Variants in ASB13 observed in about 807,000 individuals in gnomAD.
The protein encoded by ASB13 is ankyrin repeat and SOCS box protein 13.
A neutral mutation model predicts 28.8 loss-of-function variants in ASB13; 33 were observed. The observed-to-expected ratio is 1.15, with a 90% CI of 0.87 to 1.53. The LOEUF (loss-of-function observed/expected upper bound fraction) is 1.53. ASB13 is among the 40% of genes most tolerant of loss of function. ASB13 has a pLI of 0.00. For missense variants in ASB13, 414 were observed against 390.1 expected (o/e 1.06, Z -0.52); for synonymous variants, 182 against 172.9 (o/e 1.05, Z -0.41).
rs1279471013 is a variant in ASB13, at chr10:5,655,290, C to G, written c.44-2240G>C. Among the ~76,000 whole-genome samples the G allele has an allele frequency of 6.6e-6, 1 of 152,166 alleles. No individual in the cohort carries two copies. The highest frequency in any genetic ancestry group is 1.5e-5 in the Non-Finnish European group (1 of 68,032). On this transcript the variant is annotated intron_variant, in intron 1 of 5. Coordinates refer to ENST00000357700, the MANE Select transcript of ASB13 (RefSeq NM_024701.4). The surrounding 1 kb of genome is among the most constrained non-coding windows in gnomAD (Gnocchi z 6.2). ...TGCTCAGAACTGCTTGGTGGAAACTCAGCTCAGCCTTTTATCAGCTTACCC... is the reference window on the plus strand; with the variant it reads ...TGCTCAGAACTGCTTGGTGGAAACTGAGCTCAGCCTTTTATCAGCTTACCC...
intron 4 of ASB13, among the ~76,000 whole-genome samples, chr10:5,647,443 T>C (rs1408745408): frequency 1.3e-5 from 2 of 152,236 alleles, no homozygotes; most frequent in Non-Finnish European, 2.9e-5. Flanking sequence ...TTGGTCTTTT[T>C]GGTTTTGATT....
intron 4 of ASB13, among the ~76,000 whole-genome samples, chr10:5,646,021 C>T (rs11256767): frequency 0.012 from 1,767 of 152,302 alleles, 17 homozygotes; most frequent in East Asian, 0.034. Context: ...CCAGGAATCC[C>T]GCGTGGAGCT....
In ASB13 at chr10:5,658,541, T is replaced by C. The variant is rs978437078; in HGVS notation, c.44-5491A>G. 6.6e-6 allele frequency among the ~76,000 whole-genome samples: 1 copy of C among 152,184 alleles called. No individual in the cohort carries two copies. The highest frequency in any genetic ancestry group is 6.5e-5 in the Admixed American group (1 of 15,282). On this transcript the variant is annotated intron_variant, in intron 1 of 5. Coordinates refer to ENST00000357700, the MANE Select transcript of ASB13 (RefSeq NM_024701.4). This position sits in a 1 kb window ranked among gnomAD's most constrained non-coding sequence, Gnocchi z 4.2. ...ATGGAGATGGAAAGTAGAAAGGTAG[T>C]TGCCAGGGGCTTGGGGGAGGAGAAA...
intron 1 of ASB13, among the ~76,000 whole-genome samples, chr10:5,665,867 T>C (rs1006108383): frequency 2.0e-5 from 3 of 152,162 alleles, no homozygotes; most frequent in East Asian, 1.9e-4. Flanking sequence ...TATTGCTTCA[T>C]AGGCAGCAAA....
chr10:5,651,343 G>A lies in ASB13; in HGVS notation c.252C>T (p.Asp84=), dbSNP rs373489576. The A allele has an allele frequency of 3.8e-5, 61 of 1,610,150 alleles. No individual in the cohort carries two copies. The highest frequency in any genetic ancestry group is 3.3e-4 in the African/African-American group (25 of 74,836). Residue 84 remains aspartate (D), a synonymous_variant, in exon 3 of 6, where the codon GAC becomes GAT. Transcript: ENST00000357700. This position sits in a 1 kb window ranked among gnomAD's most constrained non-coding sequence, Gnocchi z 5.1. ...AGAQVDARNI[D]GSTPLCDACA... Reference sequence around the variant, plus strand: ...AGGCATCGCAGAGCGGGGTGCTGCCGTCGATGTTGCGAGCATCCACCTCAC... The same window carrying A: ...AGGCATCGCAGAGCGGGGTGCTGCCATCGATGTTGCGAGCATCCACCTCAC...
intron 1 of ASB13, among the ~76,000 whole-genome samples, chr10:5,662,074 AG>A (rs571274952): frequency 8.5e-5 from 13 of 152,232 alleles, no homozygotes; most frequent in African/African-American, 2.9e-4. Flanking sequence ...GGAAGCCCCC[AG>A]GGAGGGTTTT....
At chr10:5,646,497 T>C (rs1834887857) in intron 4 of ASB13, among the ~76,000 whole-genome samples, 1 of 152,124 alleles carries the variant, frequency 6.6e-6, no homozygotes, top group Non-Finnish European at 1.5e-5. Flanking sequence ...GTGACCTTGC[T>C]CAGGGAGGCC....
At position 5,639,360 on chromosome 10, in the gene ASB13, G is replaced by A. The variant is rs1834771357; in HGVS notation, c.*1343C>T. The stretch of plus-strand genomic sequence containing the variant: ...CCTTTTCCCGGCACACTGTCTCCAG[G>A]ACAGGCGTGACCTGTTCTCCAGAAT... On this transcript the variant is annotated 3_prime_UTR_variant, in exon 6 of 6. Coordinates refer to ENST00000357700, the MANE Select transcript of ASB13 (RefSeq NM_024701.4). The A allele has an allele frequency of 6.6e-6, 1 of 152,642 alleles. No homozygotes were observed. The highest frequency in any genetic ancestry group is 1.5e-5 in the Non-Finnish European group (1 of 68,086). 9.5% of individuals were successfully genotyped at this position (152,642 alleles called of 1,614,324 possible). A position where few individuals can be genotyped will look rare whatever the true frequency, so the allele number is the denominator to read the frequency against.
chr10:5,664,366 T>C lies in ASB13; in HGVS notation c.43+2143A>G, dbSNP rs1488217538. 6.6e-6 allele frequency among the ~76,000 whole-genome samples: 1 copy of C among 151,812 alleles called. No individual in the cohort carries two copies. The highest frequency in any genetic ancestry group is 1.5e-5 in the Non-Finnish European group (1 of 67,982). ...TTACCTGAGGGGCCTAAGAAGACTG[T>C]CTGGGGATAAATTAGGGATTAGGCA... On this transcript the variant is annotated intron_variant, in intron 1 of 5. Transcript: ENST00000357700. The surrounding 1 kb of genome is among the most constrained non-coding windows in gnomAD (Gnocchi z 4.2).
intron 1 of ASB13, among the ~76,000 whole-genome samples, chr10:5,653,674 ATTTATTTATTTATTTAT>A (rs1835026143): frequency 8.4e-6 from 1 of 119,756 alleles, no homozygotes; most frequent in African/African-American, 3.5e-5. Context: ...TTATTTATTT[ATTTATTTATTTATTTAT>A]TTATTTATGA....
intron 4 of ASB13, among the ~76,000 whole-genome samples, chr10:5,648,543 C>T (rs1424076380): frequency 2.0e-5 from 3 of 148,430 alleles, no homozygotes; most frequent in Non-Finnish European, 3.0e-5. Flanking sequence ...CTCAGGTAAA[C>T]ACCCACTCAG....
chr10:5,649,645 C>T lies in ASB13; in HGVS notation c.383-541G>A. ...GGTTAAAGCGATTCTCCCACCTCAG[C>T]CTCCCAAATAGCTGGAATTACAGGC... is the stretch of plus-strand genomic sequence containing the variant. On this transcript the variant is annotated intron_variant, in intron 3 of 5. Coordinates refer to ENST00000357700, the MANE Select transcript of ASB13 (RefSeq NM_024701.4). This position sits in a 1 kb window ranked among gnomAD's most constrained non-coding sequence, Gnocchi z 6.4. Among the ~76,000 whole-genome samples, 1 of 151,300 alleles carries T rather than the reference C, an allele frequency of 6.6e-6. No individual in the cohort carries two copies. The highest frequency in any genetic ancestry group is 1.5e-5 in the Non-Finnish European group (1 of 68,012).
At chr10:5,647,059 A>G (rs1314107561) in intron 4 of ASB13, among the ~76,000 whole-genome samples, 1 of 152,226 alleles carries the variant, frequency 6.6e-6, no homozygotes, top group Non-Finnish European at 1.5e-5. Context: ...CCAATAAAAA[A>G]CTACACATAA....
chr10:5,651,453 T>A lies in ASB13; in HGVS notation c.232-90A>T. ...TGCTGCAGGTTCATCTTTGCTAAGA[T>A]GCTTCTTAGAAGCACCGGTTTGCTT... is the stretch of plus-strand genomic sequence containing the variant. On this transcript the variant is annotated intron_variant, in intron 2 of 5. Coordinates refer to ENST00000357700, the MANE Select transcript of ASB13 (RefSeq NM_024701.4). This position sits in a 1 kb window ranked among gnomAD's most constrained non-coding sequence, Gnocchi z 5.1. The A allele has an allele frequency of 2.2e-6, 3 of 1,385,910 alleles. No individual in the cohort carries two copies. Among genetic ancestry groups the A allele is most frequent in the Non-Finnish European group, 2.9e-6 (3 of 1,031,594 alleles). The allele number at this position is 1,385,910 out of a possible 1,614,324, so 85.9% of individuals were successfully genotyped here.
At position 5,645,765 on chromosome 10, in the gene ASB13, T is replaced by A. The variant is rs17142329; in HGVS notation, c.517+3205A>T. Reference sequence around the variant, plus strand: ...GGAAAAGGGACTTTCCACTCTTCTGTTTTTCTAGAGACACGGTCCCTGGCT... The same window carrying A: ...GGAAAAGGGACTTTCCACTCTTCTGATTTTCTAGAGACACGGTCCCTGGCT... On this transcript the variant is annotated intron_variant, in intron 4 of 5. Transcript: ENST00000357700. This position sits in a 1 kb window ranked among gnomAD's most constrained non-coding sequence, Gnocchi z 5.4. Among the ~76,000 whole-genome samples, 1 of 151,850 alleles carries A rather than the reference T, an allele frequency of 6.6e-6. No homozygotes were observed. The highest frequency in any genetic ancestry group is 6.6e-5 in the Admixed American group (1 of 15,244).
rs538336887 is a variant in ASB13, at chr10:5,649,836, C to A, written c.383-732G>T. Among the ~76,000 whole-genome samples, 1 of 152,304 alleles carries A rather than the reference C, an allele frequency of 6.6e-6. No homozygotes were observed. Among genetic ancestry groups the A allele is most frequent in the East Asian group, 1.9e-4 (1 of 5,180 alleles). ...GAGCCACAGCGCCCGGCCTCTCCTGCCTCTTAAGTGGCTCCTCTTCCTGGG... is the reference window on the plus strand; with the variant it reads ...GAGCCACAGCGCCCGGCCTCTCCTGACTCTTAAGTGGCTCCTCTTCCTGGG... On this transcript the variant is annotated intron_variant, in intron 3 of 5. Coordinates refer to ENST00000357700, the MANE Select transcript of ASB13 (RefSeq NM_024701.4). The surrounding 1 kb of genome is among the most constrained non-coding windows in gnomAD (Gnocchi z 6.4).
rs147308328 is a variant in ASB13, at chr10:5,659,254, G to A, written c.44-6204C>T. Among the ~76,000 whole-genome samples the A allele has an allele frequency of 6.6e-4, 101 of 152,142 alleles. No individual in the cohort carries two copies. Among genetic ancestry groups the A allele is most frequent in the African/African-American group, 1.2e-3 (50 of 41,478 alleles). ...ACCCGAGACTCCATGCCGTGCTGGC[G>A]AGTTCCCTCCGGGACTCACGTTCTG... On this transcript the variant is annotated intron_variant, in intron 1 of 5. Coordinates refer to ENST00000357700, the MANE Select transcript of ASB13 (RefSeq NM_024701.4). The surrounding 1 kb of genome is among the most constrained non-coding windows in gnomAD (Gnocchi z 5.8).
chr10:5,648,886 T>G (rs1161859821), intron 4 of ASB13, 84 bp downstream of exon 4: 1 of 1,560,928 alleles, frequency 6.4e-7, no homozygotes, highest in Non-Finnish European at 8.7e-7. Flanking sequence ...AAACACCCAC[T>G]TGGGCAAACA....
In ASB13 at chr10:5,640,540, T is replaced by C; in HGVS notation, c.*163A>G. ...CCTTCCCAACACCCTGGAAACATTA[T>C]CCAGGATCCAGGAGAGAAGCCTAAA... On this transcript the variant is annotated 3_prime_UTR_variant, in exon 6 of 6. Coordinates refer to ENST00000357700, the MANE Select transcript of ASB13 (RefSeq NM_024701.4). 1 of 890,706 alleles carries C rather than the reference T, an allele frequency of 1.1e-6. No individual in the cohort carries two copies. 55.2% of individuals were successfully genotyped at this position (890,706 alleles called of 1,614,324 possible).
Sources: allele counts gnomAD v4.1 joint callset (sites outside exome capture counted in the v4.1 genomes callset), GRCh38; gene constraint gnomAD v4.1.1; non-coding constraint Gnocchi (gnomAD v3.1); transcripts MANE v1.5; gene names NCBI Gene and HGNC (gene_info 2026-07-23, HGNC 2026-07-21).